MARCHF2: variants seen among roughly 807,000 people sequenced by gnomAD.
The protein encoded by MARCHF2 is membrane associated ring-CH-type finger 2, also known as E3 ubiquitin-protein ligase MARCHF2.
MARCHF2 carries 22 observed loss-of-function variants against 24.0 expected under a neutral mutation model. The observed-to-expected ratio is 0.92, with a 90% confidence interval of 0.66 to 1.31. The LOEUF (loss-of-function observed/expected upper bound fraction) is 1.31. Among genes scored for constraint, MARCHF2 ranks in the 50% most tolerant of loss-of-function variants. The probability of loss-of-function intolerance (pLI) is 0.00; values close to 1 mark genes in which losing one functional copy is unlikely to be tolerated. For missense variants in MARCHF2, 301 were observed against 335.3 expected (o/e 0.90, Z 0.80); for synonymous variants, 154 against 153.0 (o/e 1.01, Z -0.05).
At position 8,424,939 on chromosome 19, in the gene MARCHF2, A is replaced by G. The variant is rs1041732979; in HGVS notation, c.177-1670A>G. On this transcript the variant is annotated intron_variant, in intron 2 of 4. Coordinates refer to ENST00000215555, the MANE Select transcript of MARCHF2 (RefSeq NM_001005415.2). ...CTTTTTCTTTTTTTCAAATGGTCTC[A>G]CTCTGTTGTCCAAGCTGGAGTATAG... 2.2e-4 allele frequency among the ~76,000 whole-genome samples: 34 copies of G among 151,656 alleles called. 1 individual carries two copies. The highest frequency in any genetic ancestry group is 2.0e-3 in the Admixed American group (30 of 15,178).
At chr19:8,419,618 C>G (rs1019550373) in intron 1 of MARCHF2, among the ~76,000 whole-genome samples, 1 of 150,200 alleles carries the variant, frequency 6.7e-6, no homozygotes, top group Non-Finnish European at 1.5e-5. Flanking sequence ...AGATCGAGAC[C>G]ATCCTAGCTA....
In MARCHF2 at chr19:8,421,691, G is replaced by C. The variant is rs1031294583; in HGVS notation, c.-52-98G>C. On this transcript the variant is annotated intron_variant, in intron 1 of 4. Coordinates refer to ENST00000215555, the MANE Select transcript of MARCHF2 (RefSeq NM_001005415.2). Reference sequence around the variant, plus strand: ...AAACTGAGGCTCAGAGATGTAAATGGTCTAGTGGTCCCTACAGCCTTGACA... The same window carrying C: ...AAACTGAGGCTCAGAGATGTAAATGCTCTAGTGGTCCCTACAGCCTTGACA... 8 of 615,654 alleles carry C rather than the reference G, an allele frequency of 1.3e-5. No individual in the cohort carries two copies. In the African/African-American group the frequency reaches 1.5e-4, roughly 12 times the overall value. The allele number at this position is 615,654 out of a possible 1,614,324, so 38.1% of individuals were successfully genotyped here.
In MARCHF2 at chr19:8,438,558, T is replaced by G. The variant is rs1455075824; in HGVS notation, c.*12T>G. 1 of 1,613,186 alleles carries G rather than the reference T, an allele frequency of 6.2e-7. No homozygotes were observed. The highest frequency in any genetic ancestry group is 1.3e-5 in the African/African-American group (1 of 74,898). ...AGACACCAGTATGAATGCTGGGCTC[T>G]CCGGACCCTGCAGCAGAGAGGCCAG... On this transcript the variant is annotated 3_prime_UTR_variant, in exon 5 of 5. Transcript: ENST00000215555.
rs558365587 is a variant in MARCHF2, at chr19:8,438,964, T to C, written c.*418T>C. The C allele has an allele frequency of 6.8e-6, 1 of 146,828 alleles. No homozygotes were observed. Among genetic ancestry groups the C allele is most frequent in the African/African-American group, 2.4e-5 (1 of 41,138 alleles). The allele number at this position is 146,828 out of a possible 1,614,324, so 9.1% of individuals were successfully genotyped here. The stretch of plus-strand genomic sequence containing the variant: ...CCTCGACTTTATATAAAAGTTGCAC[T>C]GCGTTTCAAAAACCCACCCCTGAAT... On this transcript the variant is annotated 3_prime_UTR_variant, in exon 5 of 5. Coordinates refer to ENST00000215555, the MANE Select transcript of MARCHF2 (RefSeq NM_001005415.2).
chr19:8,438,351 G>C (rs1480632885), intron 4 of MARCHF2, 37 bp from the exon 5 acceptor site: 1 of 1,607,326 alleles, frequency 6.2e-7, no homozygotes, highest in Admixed American at 1.7e-5. Flanking sequence ...CTCCCTTGCG[G>C]GTGGAGGCCT....
At chr19:8,422,070 G>T in intron 2 of MARCHF2, 54 bp downstream of exon 2, 1 of 1,532,434 alleles carries the variant, frequency 6.5e-7, no homozygotes, top group Non-Finnish European at 8.8e-7. Flanking sequence ...CTCTCTGGGC[G>T]CAGTGAGTTT....
chr19:8,428,679 A>AAAAAAAAAAAAC (rs1967487535), intron 3 of MARCHF2, among the ~76,000 whole-genome samples: 1 of 128,312 alleles, frequency 7.8e-6, no homozygotes, highest in African/African-American at 2.8e-5. Flanking sequence ...AAAAAAAAAA[A>AAAAAAAAAAAAC]AAAACCAAGG....
At chr19:8,417,035 C>T (rs1327611511) in intron 1 of MARCHF2, among the ~76,000 whole-genome samples, 1 of 151,788 alleles carries the variant, frequency 6.6e-6, no homozygotes, top group Non-Finnish European at 1.5e-5. Flanking sequence ...GGTTTGCAGG[C>T]CTTGCATTAA....
rs767646291 is a variant in MARCHF2, at chr19:8,438,442, A to G, written c.637A>G (p.Lys213Glu). ...CTCCGAGTGGAGAAAGACCAACCAG[A>G]AAGTTCGCCTGAAGATCCGGGAGGC... ...LYSEWRKTNQ[K>E]VRLKIREADS... Residue 213 changes from lysine to glutamate, a missense_variant, in exon 5 of 5, where the codon AAA (lysine) becomes GAA (glutamate). Lys to Glu is a moderately conservative substitution (Grantham distance 56). Coordinates refer to ENST00000215555, the MANE Select transcript of MARCHF2 (RefSeq NM_001005415.2). The G allele has an allele frequency of 4.3e-6, 7 of 1,614,068 alleles. No individual in the cohort carries two copies. In the African/African-American group the frequency reaches 9.3e-5, roughly 22 times the overall value.
At chr19:8,427,196 C>T (rs1333409298) in intron 3 of MARCHF2, among the ~76,000 whole-genome samples, 12 of 152,106 alleles carry the variant, frequency 7.9e-5, no homozygotes, top group Non-Finnish European at 1.2e-4. Flanking sequence ...GACAGGCGTG[C>T]GCCACCATGC....
At chr19:8,414,417 C>T (rs929382440) in intron 1 of MARCHF2, among the ~76,000 whole-genome samples, 1 of 151,988 alleles carries the variant, frequency 6.6e-6, no homozygotes, top group African/African-American at 2.4e-5. Context: ...TACAGGCCCC[C>T]GCCACCGTGC....
intron 2 of MARCHF2, among the ~76,000 whole-genome samples, chr19:8,426,398 C>T (rs1477127208): frequency 1.3e-5 from 2 of 151,848 alleles, no homozygotes; most frequent in Non-Finnish European, 2.9e-5. Flanking sequence ...CACATCACTC[C>T]ACCTGTGGGA....
intron 1 of MARCHF2, chr19:8,413,924 T>C (rs1967013488): frequency 6.6e-6 from 1 of 152,254 alleles, no homozygotes; most frequent in African/African-American, 2.4e-5. Context: ...TTTGAAACCA[T>C]ACTGAGTAGG....
rs764187440 is a variant in MARCHF2, at chr19:8,421,956, A to C, written c.116A>C (p.Gln39Pro). ...CTCGGACCGCCCCAGTATGTGGCAC[A>C]GGTGACTTCAAGGGATGGCCGGCTC... ...TGLGPPQYVAQVTSRDGRLLS... is the reference protein window; with the variant it reads ...TGLGPPQYVAPVTSRDGRLLS... Residue 39 changes from glutamine (Q) to proline (P), a missense_variant, in exon 2 of 5, where the codon CAG becomes CCG. Transcript: ENST00000215555. The C allele has an allele frequency of 6.2e-7, 1 of 1,613,678 alleles. No homozygotes were observed. The highest frequency in any genetic ancestry group is 8.5e-7 in the Non-Finnish European group (1 of 1,179,856).
rs371198651 is a variant in MARCHF2, at chr19:8,417,217, G to A, written c.-53+3797G>A. On this transcript the variant is annotated intron_variant, in intron 1 of 4. Coordinates refer to ENST00000215555, the MANE Select transcript of MARCHF2 (RefSeq NM_001005415.2). ...CCAGCACTTTGGGAGGCCGAGGCGG[G>A]CAGATCACTTGAGATCAGCAGTTGG... Among the ~76,000 whole-genome samples, 12 of 152,224 alleles carry A rather than the reference G, an allele frequency of 7.9e-5. 3 individuals carry two copies. Among genetic ancestry groups the A allele is most frequent in the Admixed American group, 1.3e-4 (2 of 15,264 alleles).
intron 4 of MARCHF2, among the ~76,000 whole-genome samples, chr19:8,433,659 G>C (rs1024136448): frequency 6.1e-5 from 8 of 131,762 alleles, no homozygotes; most frequent in Non-Finnish European, 1.2e-4. Context: ...CTGGGCAACA[G>C]AGCAAGACTC....
intron 3 of MARCHF2, chr19:8,427,749 G>C (rs1166905615): frequency 6.7e-6 from 1 of 149,040 alleles, no homozygotes; most frequent in Non-Finnish European, 1.5e-5. Flanking sequence ...ATCACTTGAG[G>C]TCAGGAGTTC....
At chr19:8,419,004 G>C (rs1046905999) in intron 1 of MARCHF2, among the ~76,000 whole-genome samples, 2 of 152,084 alleles carry the variant, frequency 1.3e-5, no homozygotes, top group African/African-American at 4.8e-5. Context: ...GAGATCCTTG[G>C]CTCCAGGGCA....
At chr19:8,419,426 G>A (rs574052736) in intron 1 of MARCHF2, among the ~76,000 whole-genome samples, 10 of 152,058 alleles carry the variant, frequency 6.6e-5, no homozygotes, top group South Asian at 6.2e-4. Context: ...CCCGGGAGGC[G>A]GAGGTTGCAG....
Sources: allele counts gnomAD v4.1 joint callset (sites outside exome capture counted in the v4.1 genomes callset), GRCh38; gene constraint gnomAD v4.1.1; transcripts MANE v1.5; gene names NCBI Gene and HGNC (gene_info 2026-07-23, HGNC 2026-07-21).